The following CRACD variants were observed in gnomAD, a reference collection of about 807,000 sequenced individuals.
CRACD encodes the protein capping protein inhibiting regulator of actin dynamics, also known as capping protein-inhibiting regulator of actin dynamics.
In CRACD, 56 loss-of-function variants were observed where a neutral mutation model predicts 106.8. The observed-to-expected ratio is 0.52, with a 90% CI of 0.42 to 0.66. The LOEUF is 0.66. Among genes scored for constraint, CRACD ranks in the 30% least tolerant of loss-of-function variants. The pLI, the probability that CRACD is intolerant of heterozygous loss-of-function variation, is 0.00. For missense variants in CRACD, 1,730 were observed against 1,623.2 expected (o/e 1.07, Z -1.13); for synonymous variants, 754 against 670.8 (o/e 1.12, Z -1.92).
intron 2 of CRACD, among the ~76,000 whole-genome samples, chr4:56,181,085 T>C (rs1736802590): frequency 6.6e-6 from 1 of 152,228 alleles, no homozygotes; most frequent in African/African-American, 2.4e-5. Flanking sequence ...AGCTTAATGT[T>C]GTAGCATGGA....
intron 1 of CRACD, among the ~76,000 whole-genome samples, chr4:56,139,625 G>A (rs112391424): frequency 4.2e-4 from 64 of 152,298 alleles, no homozygotes; most frequent in Middle Eastern, 3.4e-3. Flanking sequence ...CTCAGAAGGC[G>A]TGCTTGCAAA....
intron 6 of CRACD, 130 bp from the exon 7 acceptor site, chr4:56,313,067 C>G (rs1745256944): frequency 1.3e-6 from 1 of 752,656 alleles, no homozygotes; most frequent in Non-Finnish European, 2.2e-6. Flanking sequence ...CTGAGGAGTT[C>G]CCTCTGCTCA....
At chr4:56,317,228 A>G (rs7663412) in intron 8 of CRACD, among the ~76,000 whole-genome samples, 70,011 of 151,974 alleles carry the variant, frequency 0.46, 16,520 homozygotes, top group Non-Finnish European at 0.5. Flanking sequence ...CTCATTGACT[A>G]CGTCACTGCT....
intron 2 of CRACD, among the ~76,000 whole-genome samples, chr4:56,224,652 C>T (rs577629878): frequency 1.3e-5 from 2 of 152,116 alleles, no homozygotes; most frequent in East Asian, 1.9e-4. Flanking sequence ...TTACACATGG[C>T]GGGTGGGAAT....
At chr4:56,071,999 G>C (rs1262709810) in intron 1 of CRACD, among the ~76,000 whole-genome samples, 2 of 151,742 alleles carry the variant, frequency 1.3e-5, no homozygotes, top group African/African-American at 4.8e-5. Context: ...GTGGTGGCGG[G>C]CGCCTGTAGT....
At chr4:56,264,488 C>A (rs1741888081) in intron 2 of CRACD, among the ~76,000 whole-genome samples, 1 of 152,172 alleles carries the variant, frequency 6.6e-6, no homozygotes, top group Non-Finnish European at 1.5e-5. Context: ...CCTAAATGTC[C>A]AGGACCTGGT....
At chr4:56,219,982 A>T (rs1045513031) in intron 2 of CRACD, among the ~76,000 whole-genome samples, 2 of 152,248 alleles carry the variant, frequency 1.3e-5, no homozygotes, top group Non-Finnish European at 2.9e-5. Context: ...GAAGAAACTA[A>T]TTGGGAGTAT....
chr4:56,110,783 G>T (rs1734094180), intron 1 of CRACD, among the ~76,000 whole-genome samples: 1 of 152,104 alleles, frequency 6.6e-6, no homozygotes, highest in African/African-American at 2.4e-5. Flanking sequence ...TTTTAGTAGA[G>T]ACGGGGTTTC....
intron 3 of CRACD, among the ~76,000 whole-genome samples, chr4:56,288,288 A>G (rs940300466): frequency 1.3e-5 from 2 of 151,950 alleles, no homozygotes; most frequent in Admixed American, 6.6e-5. Context: ...TAGGTTTGTT[A>G]CAAGGGTATA....
intron 2 of CRACD, among the ~76,000 whole-genome samples, chr4:56,269,863 T>C (rs1044316078): frequency 7.2e-5 from 11 of 152,044 alleles, no homozygotes; most frequent in African/African-American, 1.7e-4. Context: ...ACTTCCAACA[T>C]TGGGGATTAC....
At chr4:56,078,462 A>G (rs1482075939) in intron 1 of CRACD, among the ~76,000 whole-genome samples, 1 of 152,152 alleles carries the variant, frequency 6.6e-6, no homozygotes, top group Admixed American at 6.6e-5. Flanking sequence ...GCTAGAGTGC[A>G]GTGGTGTGAT....
At chr4:56,176,942 G>T (rs532280798) in intron 1 of CRACD, among the ~76,000 whole-genome samples, 1 of 152,100 alleles carries the variant, frequency 6.6e-6, no homozygotes, top group Non-Finnish European at 1.5e-5. Context: ...GAATTTATCA[G>T]TTCTAACAGT....
chr4:56,106,622 G>A (rs948525785), intron 1 of CRACD, among the ~76,000 whole-genome samples: 6 of 152,178 alleles, frequency 3.9e-5, no homozygotes, highest in African/African-American at 1.4e-4. Flanking sequence ...AGGTCACATA[G>A]TTCCCTAAAG....
At chr4:56,309,530 A>T (rs6850873) in intron 5 of CRACD, among the ~76,000 whole-genome samples, 4 of 152,180 alleles carry the variant, frequency 2.6e-5, no homozygotes, top group African/African-American at 9.6e-5. Context: ...CAACCTGGGC[A>T]ACATTTTGTA....
chr4:56,128,423 A>T (rs1734723944), intron 1 of CRACD, among the ~76,000 whole-genome samples: 1 of 152,098 alleles, frequency 6.6e-6, no homozygotes. Flanking sequence ...GCGAATTCTG[A>T]AATTTTTTTG....
chr4:56,071,842 T>C (rs1329954767), intron 1 of CRACD, among the ~76,000 whole-genome samples: 2 of 149,428 alleles, frequency 1.3e-5, no homozygotes, highest in Non-Finnish European at 3.0e-5. Flanking sequence ...AGTTTCAGAA[T>C]TGGGGCCGGG....
At chr4:56,210,002 T>C (rs1276791691) in intron 2 of CRACD, among the ~76,000 whole-genome samples, 3 of 152,034 alleles carry the variant, frequency 2.0e-5, no homozygotes, top group Non-Finnish European at 4.4e-5. Context: ...TCTCAGAATA[T>C]CTGGGGCCAA....
Position 56,328,939 on chromosome 4 carries a change from G to T in CRACD, c.*1135G>T, listed in dbSNP as rs1746636377. Among the ~76,000 whole-genome samples, 1 of 152,150 alleles carries T rather than the reference G, an allele frequency of 6.6e-6. No individual in the cohort carries two copies. Among genetic ancestry groups the T allele is most frequent in the African/African-American group, 2.4e-5 (1 of 41,432 alleles). Reference sequence around the variant, plus strand: ...GAAAATAAACAGGAAGCCAAGATTTGGAGCCTTTGTAATAAGGACTTCCTG... The same window carrying T: ...GAAAATAAACAGGAAGCCAAGATTTTGAGCCTTTGTAATAAGGACTTCCTG... On this transcript the variant is annotated 3_prime_UTR_variant, in exon 11 of 11. Transcript: ENST00000682029.
chr4:56,149,528 C>G (rs192277001), intron 1 of CRACD, among the ~76,000 whole-genome samples: 17 of 152,196 alleles, frequency 1.1e-4, no homozygotes, highest in African/African-American at 4.1e-4. Context: ...ACATAAAACT[C>G]CTGAAAAATG....
Sources: allele counts gnomAD v4.1 joint callset (sites outside exome capture counted in the v4.1 genomes callset), GRCh38; gene constraint gnomAD v4.1.1; transcripts MANE v1.5; gene names NCBI Gene and HGNC (gene_info 2026-07-23, HGNC 2026-07-21).